Variants in CCSER2 observed in about 807,000 individuals in gnomAD.
The protein encoded by CCSER2 is serine-rich coiled-coil domain-containing protein 2.
Under a neutral mutation model 92.3 loss-of-function variants are expected in CCSER2, and 46 were observed. That is an observed-to-expected ratio of 0.50 (90% CI 0.39 to 0.64). The LOEUF (loss-of-function observed/expected upper bound fraction) is 0.64, where lower values mean the gene tolerates loss of function less well. Ranked by LOEUF, CCSER2 falls within the 30% of genes least tolerant of loss-of-function variation. The pLI is 0.00. For missense variants in CCSER2, 1,244 were observed against 1,238.9 expected (o/e 1.00, Z -0.06); for synonymous variants, 433 against 431.4 (o/e 1.00, Z -0.04).
chr10:84,351,263 CAG>C (rs1210857141), intron 1 of CCSER2, among the ~76,000 whole-genome samples: 1 of 151,082 alleles, frequency 6.6e-6, no homozygotes, highest in Non-Finnish European at 1.5e-5. Flanking sequence ...TCCTTTGAGA[CAG>C]AGTCTTCCTC....
intron 1 of CCSER2, among the ~76,000 whole-genome samples, chr10:84,352,930 A>G (rs1328303380): frequency 6.6e-6 from 1 of 151,972 alleles, no homozygotes; most frequent in Non-Finnish European, 1.5e-5. Context: ...AGCTGGGATT[A>G]CAGGCATGTG....
chr10:84,347,686 CCTCA>C (rs1844595160), intron 1 of CCSER2, among the ~76,000 whole-genome samples: 1 of 150,860 alleles, frequency 6.6e-6, no homozygotes, highest in African/African-American at 2.4e-5. Context: ...CGGAGGGGCT[CCTCA>C]CTTCTCAGAC....
At chr10:84,490,086 G>T (rs1848063217) in intron 9 of CCSER2, among the ~76,000 whole-genome samples, 1 of 152,194 alleles carries the variant, frequency 6.6e-6, no homozygotes, top group Non-Finnish European at 1.5e-5. Context: ...CTTCTGGCTT[G>T]TAGAGTTTCT....
At chr10:84,491,394 C>T (rs1048276689) in intron 9 of CCSER2, among the ~76,000 whole-genome samples, 25 of 152,158 alleles carry the variant, frequency 1.6e-4, no homozygotes, top group African/African-American at 4.8e-4. Context: ...CCACCCAGTT[C>T]GAGCTTCCCG....
chr10:84,329,521 A>G (rs1843444813), intron 1 of CCSER2, among the ~76,000 whole-genome samples: 1 of 146,306 alleles, frequency 6.8e-6, no homozygotes, highest in South Asian at 2.4e-4. Flanking sequence ...GTCTCAGATT[A>G]GAGTGTTGGT....
At chr10:84,463,728 C>T (rs911707212) in intron 6 of CCSER2, among the ~76,000 whole-genome samples, 2 of 152,204 alleles carry the variant, frequency 1.3e-5, no homozygotes, top group Non-Finnish European at 2.9e-5. Context: ...CTTGCCGTAG[C>T]TCCCTTTTTT....
chr10:84,476,684 C>T (rs1847168879), intron 8 of CCSER2, among the ~76,000 whole-genome samples: 1 of 152,004 alleles, frequency 6.6e-6, no homozygotes, highest in South Asian at 2.1e-4. Context: ...ACCTCGTGAT[C>T]CGCCCGCCTC....
chr10:84,472,763 T>C (rs1402414425), intron 8 of CCSER2, among the ~76,000 whole-genome samples: 1 of 152,226 alleles, frequency 6.6e-6, no homozygotes, highest in South Asian at 2.1e-4. Context: ...AGTATTCTTT[T>C]AACCTCAGAA....
At chr10:84,438,073 G>T (rs1461962934) in intron 5 of CCSER2, among the ~76,000 whole-genome samples, 2 of 152,112 alleles carry the variant, frequency 1.3e-5, no homozygotes, top group African/African-American at 4.8e-5. Context: ...CAAGAAATGG[G>T]AGTCCAAGGA....
At chr10:84,471,463 T>C (rs1319663737) in intron 8 of CCSER2, among the ~76,000 whole-genome samples, 1 of 152,088 alleles carries the variant, frequency 6.6e-6, no homozygotes, top group Non-Finnish European at 1.5e-5. Flanking sequence ...AAAAATATAT[T>C]ACAGAGCACA....
At chr10:84,474,662 C>CAAAAAAAAAAAAAAAAAA (rs397844899) in intron 8 of CCSER2, among the ~76,000 whole-genome samples, 1 of 65,856 alleles carries the variant, frequency 1.5e-5, no homozygotes, top group Non-Finnish European at 2.9e-5. Context: ...GACTCCATCT[C>CAAAAAAAAAAAAAAAAAA]AAAAAAAAAA....
intron 9 of CCSER2, among the ~76,000 whole-genome samples, chr10:84,496,966 G>A (rs996588220): frequency 1.3e-5 from 2 of 152,102 alleles, no homozygotes; most frequent in Non-Finnish European, 2.9e-5. Flanking sequence ...TCCTGAAACT[G>A]GAATTCCCTG....
intron 9 of CCSER2, among the ~76,000 whole-genome samples, chr10:84,494,148 G>T (rs1204728400): frequency 2.0e-5 from 3 of 152,196 alleles, no homozygotes; most frequent in African/African-American, 7.2e-5. Context: ...CTCCTGCTGT[G>T]TTGTCAGGTT....
chr10:84,360,055 C>G (rs1426086246), intron 1 of CCSER2, among the ~76,000 whole-genome samples: 2 of 152,270 alleles, frequency 1.3e-5, no homozygotes. Flanking sequence ...CTCAGGTGAT[C>G]ACCTGTCTCA....
At chr10:84,449,577 G>A (rs1214075208) in intron 6 of CCSER2, among the ~76,000 whole-genome samples, 5 of 152,250 alleles carry the variant, frequency 3.3e-5, no homozygotes, top group African/African-American at 1.2e-4. Flanking sequence ...GTAGGGCTGG[G>A]GGCGGTGGCT....
chr10:84,377,438 A>G (rs1479995112), intron 3 of CCSER2, among the ~76,000 whole-genome samples: 1 of 152,176 alleles, frequency 6.6e-6, no homozygotes, highest in African/African-American at 2.4e-5. Context: ...CTTCAGGGTC[A>G]TCTTTGTCAT....
intron 1 of CCSER2, among the ~76,000 whole-genome samples, chr10:84,337,175 G>A (rs1199847131): frequency 2.0e-5 from 3 of 152,236 alleles, no homozygotes; most frequent in Admixed American, 2.0e-4. Flanking sequence ...GAGATAGTAT[G>A]TAATGCCTCG....
chr10:84,411,811 G>T (rs1324735235), intron 3 of CCSER2, among the ~76,000 whole-genome samples: 2 of 152,104 alleles, frequency 1.3e-5, no homozygotes, highest in African/African-American at 4.8e-5. Context: ...TCTTTCTCTT[G>T]ACTGATTGCC....
intron 3 of CCSER2, among the ~76,000 whole-genome samples, chr10:84,382,143 G>A (rs1840947942): frequency 6.6e-6 from 1 of 152,130 alleles, no homozygotes; most frequent in South Asian, 2.1e-4. Flanking sequence ...ACTGTATGCT[G>A]AATCCTTTGA....
Sources: allele counts gnomAD v4.1 joint callset (sites outside exome capture counted in the v4.1 genomes callset), GRCh38; gene constraint gnomAD v4.1.1; transcripts MANE v1.5; gene names NCBI Gene and HGNC (gene_info 2026-07-23, HGNC 2026-07-21).